NT5DC3: variants seen among roughly 807,000 people sequenced by gnomAD.
The protein encoded by NT5DC3 is 5'-nucleotidase domain-containing protein 3.
NT5DC3 carries 42 observed loss-of-function variants against 67.8 expected under a neutral mutation model. The observed-to-expected ratio is 0.62, with a 90% CI of 0.48 to 0.80. NT5DC3 has a LOEUF of 0.80. Ranked by LOEUF, NT5DC3 falls within the 30% of genes least tolerant of loss-of-function variation. The probability of loss-of-function intolerance (pLI) is 0.00; values close to 1 mark genes in which losing one functional copy is unlikely to be tolerated. For missense variants in NT5DC3, 570 were observed against 696.4 expected (o/e 0.82, Z 2.04); for synonymous variants, 237 against 255.6 (o/e 0.93, Z 0.69).
At chr12:103,783,103 G>C (rs1885627476) in intron 12 of NT5DC3, among the ~76,000 whole-genome samples, 1 of 152,224 alleles carries the variant, frequency 6.6e-6, no homozygotes, top group Non-Finnish European at 1.5e-5. Flanking sequence ...TGTGCTACAT[G>C]CTCTGAAAAT....
the NT5DC3 span, among the ~76,000 whole-genome samples, chr12:103,757,255 T>C: frequency 6.6e-6 from 1 of 151,690 alleles, no homozygotes; most frequent in Non-Finnish European, 1.5e-5. Flanking sequence ...CACTGGCTAA[T>C]TTTTTAACTT....
chr12:103,792,399 C>T (rs186650515), intron 9 of NT5DC3, among the ~76,000 whole-genome samples: 1 of 152,344 alleles, frequency 6.6e-6, no homozygotes. Context: ...GAGGAACAGA[C>T]TACCTGCTTA....
Position 103,785,322 on chromosome 12 carries a change from A to G in NT5DC3, c.1329+13T>C. 1 of 1,612,998 alleles carries G rather than the reference A, an allele frequency of 6.2e-7. No homozygotes were observed. Among genetic ancestry groups the G allele is most frequent in the Non-Finnish European group, 8.5e-7 (1 of 1,179,306 alleles). On this transcript the variant is annotated intron_variant, in intron 12 of 13. Transcript: ENST00000392876. ...TAAAGAAAAAGTGAGAGAGAAAAAT[A>G]ATATATCCAAACCTGCATCTGTTCC...
At position 103,776,677 on chromosome 12, in the gene NT5DC3, A is replaced by C. The variant is rs1182863276; in HGVS notation, c.*1152T>G. 1.4e-5 allele frequency: 2 copies of C among 146,596 alleles called. No homozygotes were observed. The highest frequency in any genetic ancestry group is 2.7e-5 in the African/African-American group (1 of 37,022). 9.1% of individuals were successfully genotyped at this position (146,596 alleles called of 1,614,324 possible). ...TCTAAAAAAAAACAAAACAAAACAAAAAAAAAAAAAACAAACTACACAAAC... is the reference window on the plus strand; with the variant it reads ...TCTAAAAAAAAACAAAACAAAACAACAAAAAAAAAAACAAACTACACAAAC... On this transcript the variant is annotated 3_prime_UTR_variant, in exon 14 of 14. Coordinates refer to ENST00000392876, the MANE Select transcript of NT5DC3 (RefSeq NM_001031701.3).
the NT5DC3 span, among the ~76,000 whole-genome samples, chr12:103,757,012 T>TATATATATATATATATATATATATATAAA: frequency 7.1e-6 from 1 of 140,650 alleles, no homozygotes; most frequent in East Asian, 2.1e-4. Context: ...TATATATATA[T>TATATATATATATATATATATATATATAAA]ATATATATAT....
chr12:103,754,224 C>G, the NT5DC3 span, among the ~76,000 whole-genome samples: 1 of 152,020 alleles, frequency 6.6e-6, no homozygotes, highest in Non-Finnish European at 1.5e-5. Flanking sequence ...CTCCTGCTTG[C>G]TGGTCATGTG....
the NT5DC3 span, among the ~76,000 whole-genome samples, chr12:103,753,814 A>G: frequency 1.3e-5 from 2 of 152,192 alleles, no homozygotes; most frequent in Non-Finnish European, 2.9e-5. Context: ...AGCAATACCC[A>G]CGAGCCTAGG....
chr12:103,833,476 G>C lies in NT5DC3; in HGVS notation c.208+7473C>G, dbSNP rs191013697. Among the ~76,000 whole-genome samples the C allele has an allele frequency of 8.4e-4, 128 of 151,968 alleles. 1 individual carries two copies. The highest frequency in any genetic ancestry group is 3.0e-3 in the African/African-American group (123 of 41,414). On this transcript the variant is annotated intron_variant, in intron 1 of 13. Coordinates refer to ENST00000392876, the MANE Select transcript of NT5DC3 (RefSeq NM_001031701.3). ...ATTATATAGAATTATTATTATCCTTGTGTCTTATGCTTATACACGCTAAGC... is the reference window on the plus strand; with the variant it reads ...ATTATATAGAATTATTATTATCCTTCTGTCTTATGCTTATACACGCTAAGC...
chr12:103,793,423 G>A lies in NT5DC3; in HGVS notation c.904C>T (p.Pro302Ser). The A allele has an allele frequency of 1.2e-6, 2 of 1,613,912 alleles. No individual in the cohort carries two copies. The highest frequency in any genetic ancestry group is 1.7e-6 in the Non-Finnish European group (2 of 1,179,756). Residue 302 changes from proline (P) to serine (S), a missense_variant, in exon 8 of 14, where the codon CCC (proline) becomes TCC (serine). Around this residue, in one of 2 missense-constraint regions of NT5DC3, gnomAD observed 466 missense variants for 608.0 expected, o/e 0.77. Transcript: ENST00000392876. Reference protein sequence around the residue: ...GKKMFLITNSPSSFVDKGMSY... With the variant: ...GKKMFLITNSSSSFVDKGMSY... The stretch of plus-strand genomic sequence containing the variant: ...AGAGCAACTTACACAAAGCTACTGG[G>A]GCTATTGGTGATGAGAAACATCTTC...
chr12:103,783,860 A>T (rs1885657790), intron 12 of NT5DC3, among the ~76,000 whole-genome samples: 1 of 151,830 alleles, frequency 6.6e-6, no homozygotes, highest in Admixed American at 6.6e-5. Context: ...TTGTGTTTGT[A>T]CCTATGACCA....
At chr12:103,755,855 A>G in the NT5DC3 span, 1 of 765,028 alleles carries the variant, frequency 1.3e-6, no homozygotes, top group Non-Finnish European at 2.1e-6. Flanking sequence ...GCCTGAATCT[A>G]AAGCCTAGTT....
chr12:103,805,568 G>A (rs1345300336), intron 4 of NT5DC3, among the ~76,000 whole-genome samples: 2 of 152,104 alleles, frequency 1.3e-5, no homozygotes, highest in Admixed American at 1.3e-4. Context: ...AAAGACGCCC[G>A]GGCGTGGTGA....
chr12:103,792,930 C>A (rs1454979754), intron 9 of NT5DC3, among the ~76,000 whole-genome samples: 2 of 152,216 alleles, frequency 1.3e-5, no homozygotes, highest in Non-Finnish European at 2.9e-5. Context: ...TTCAAGCCTA[C>A]CTCATGGGTC....
In NT5DC3 at chr12:103,796,990, G is replaced by T; in HGVS notation, c.657C>A (p.Phe219Leu). The change falls in exon 6 of 14, where the codon TTC becomes TTA. Residue 219 changes from phenylalanine (F) to leucine (L), a missense_variant. Phe to Leu is a conservative substitution (Grantham distance 22). Around this residue, in one of 2 missense-constraint regions of NT5DC3, gnomAD observed 466 missense variants for 608.0 expected, o/e 0.77. Transcript: ENST00000392876. Reference sequence around the variant, plus strand: ...ACAGGAGGGTCATCTCGGGCAGGGAGAAGATGTCCATGAACTGCTTCATCG... The same window carrying T: ...ACAGGAGGGTCATCTCGGGCAGGGATAAGATGTCCATGAACTGCTTCATCG... ...GNTMKQFMDIFSLPEMTLLSC... is the reference protein window; with the variant it reads ...GNTMKQFMDILSLPEMTLLSC... 4 of 1,614,156 alleles carry T rather than the reference G, an allele frequency of 2.5e-6. No individual in the cohort carries two copies. Among genetic ancestry groups the T allele is most frequent in the Non-Finnish European group, 3.4e-6 (4 of 1,180,002 alleles).
At chr12:103,838,112 C>T (rs1290072357) in intron 1 of NT5DC3, among the ~76,000 whole-genome samples, 2 of 152,168 alleles carry the variant, frequency 1.3e-5, no homozygotes, top group Non-Finnish European at 2.9e-5. Context: ...GAAGCAAAAG[C>T]GGAAACCCCT....
intron 1 of NT5DC3, among the ~76,000 whole-genome samples, chr12:103,821,402 G>A (rs1205501812): frequency 6.6e-6 from 1 of 152,150 alleles, no homozygotes; most frequent in Non-Finnish European, 1.5e-5. Flanking sequence ...ACTCCAGAAG[G>A]AGGGCATGTA....
chr12:103,828,688 TTTTC>T (rs1230344604), intron 1 of NT5DC3, among the ~76,000 whole-genome samples: 3 of 144,844 alleles, frequency 2.1e-5, no homozygotes, highest in Admixed American at 1.5e-4. Context: ...CTCCTGCATT[TTTTC>T]TTTCTTTTTA....
intron 11 of NT5DC3, among the ~76,000 whole-genome samples, chr12:103,786,287 G>C (rs1034710295): frequency 2.0e-5 from 3 of 152,174 alleles, no homozygotes; most frequent in Admixed American, 6.5e-5. Flanking sequence ...AGGAAGACCA[G>C]GCTAATACAA....
At position 103,815,186 on chromosome 12, in the gene NT5DC3, GA is replaced by G. The variant is rs899492250; in HGVS notation, c.209-66del. 6.4e-5 allele frequency: 65 copies of G among 1,014,608 alleles called. 1 individual carries two copies. Among genetic ancestry groups the G allele is most frequent in the Non-Finnish European group, 8.3e-5 (60 of 724,150 alleles). The allele number at this position is 1,014,608 out of a possible 1,614,324, so 62.9% of individuals were successfully genotyped here. On this transcript the variant is annotated intron_variant, in intron 1 of 13. Coordinates refer to ENST00000392876, the MANE Select transcript of NT5DC3 (RefSeq NM_001031701.3). ...AATAAGGGTTAGTATGATTCCTAAA[GA>G]AAAAAAATGAGTAAACTAGACTATA...
Sources: allele counts gnomAD v4.1 joint callset (sites outside exome capture counted in the v4.1 genomes callset), GRCh38; gene constraint gnomAD v4.1.1; regional missense constraint gnomAD v4.1.1; transcripts MANE v1.5; gene names NCBI Gene and HGNC (gene_info 2026-07-23, HGNC 2026-07-21).